Variants in RNF38 observed in about 807,000 individuals in gnomAD.
RNF38 encodes the protein E3 ubiquitin-protein ligase RNF38.
RNF38 carries 15 observed loss-of-function variants against 67.2 expected under a neutral mutation model. The ratio of observed to expected loss-of-function variants is 0.22; its 90% confidence interval spans 0.15 to 0.34. The LOEUF (loss-of-function observed/expected upper bound fraction) is 0.34, where lower values mean the gene tolerates loss of function less well. Ranked by LOEUF, RNF38 falls within the 10% of genes least tolerant of loss-of-function variation. The pLI is 1.00. For synonymous variants in RNF38, 220 were observed against 218.8 expected, an observed-to-expected ratio of 1.01 and a Z score of -0.05; for missense variants, 524 against 639.9, an observed-to-expected ratio of 0.82 and a Z score of 1.95.
At chr9:36,430,268 G>A (rs1194594789) in intron 1 of RNF38, among the ~76,000 whole-genome samples, 4 of 152,192 alleles carry the variant, frequency 2.6e-5, no homozygotes, top group East Asian at 1.9e-4. Flanking sequence ...GTGCAATGGC[G>A]CGATCTCAGC....
intron 1 of RNF38, among the ~76,000 whole-genome samples, chr9:36,394,383 TTG>T (rs1837373374): frequency 6.6e-6 from 1 of 152,232 alleles, no homozygotes; most frequent in Non-Finnish European, 1.5e-5. Flanking sequence ...AAGGAAATAT[TTG>T]TGTTTTAAAC....
intron 1 of RNF38, among the ~76,000 whole-genome samples, chr9:36,452,439 T>C (rs1281198192): frequency 6.6e-6 from 1 of 152,174 alleles, no homozygotes; most frequent in African/African-American, 2.4e-5. Flanking sequence ...TTTACATAAA[T>C]AGACGCATAC....
intron 1 of RNF38, among the ~76,000 whole-genome samples, chr9:36,481,429 C>T (rs989534484): frequency 6.6e-6 from 1 of 152,278 alleles, no homozygotes; most frequent in East Asian, 1.9e-4. Context: ...CCAAGAACAG[C>T]GCTAATATCC....
intron 1 of RNF38, among the ~76,000 whole-genome samples, chr9:36,393,523 G>GTGTGTGT (rs1554689616): frequency 1.8e-4 from 15 of 83,558 alleles, no homozygotes; most frequent in South Asian, 3.4e-4. Flanking sequence ...GTGTGTGTGT[G>GTGTGTGT]GGGCAGGCAG....
intron 2 of RNF38, among the ~76,000 whole-genome samples, chr9:36,378,994 G>A (rs555742496): frequency 3.3e-4 from 50 of 151,502 alleles, no homozygotes; most frequent in African/African-American, 1.2e-3. Flanking sequence ...TCTGCCTCCT[G>A]GGTTCAAGTG....
intron 9 of RNF38, among the ~76,000 whole-genome samples, chr9:36,349,682 C>T (rs890154109): frequency 7.2e-5 from 11 of 152,076 alleles, no homozygotes; most frequent in Admixed American, 5.9e-4. Flanking sequence ...GTGTGATGGC[C>T]AAAAAACCAA....
intron 1 of RNF38, among the ~76,000 whole-genome samples, chr9:36,426,769 G>A (rs986001331): frequency 1.3e-5 from 2 of 152,174 alleles, no homozygotes; most frequent in Non-Finnish European, 2.9e-5. Context: ...TGACTTTGGA[G>A]TCAGACTTCA....
In RNF38 at chr9:36,376,123, T is replaced by G. The variant is rs1321053127; in HGVS notation, c.167A>C (p.Glu56Ala). The G allele has an allele frequency of 6.4e-7, 1 of 1,562,900 alleles. No individual in the cohort carries two copies. Residue 56 changes from glutamate (E) to alanine (A), a missense_variant, in exon 3 of 12, where the codon GAA (glutamate) becomes GCA (alanine). Physicochemically the swap from Glu to Ala is moderately radical, Grantham distance 107. Around this residue, in one of 2 missense-constraint regions of RNF38, gnomAD observed 461 missense variants for 517.4 expected, o/e 0.89. Coordinates refer to ENST00000259605, the MANE Select transcript of RNF38 (RefSeq NM_022781.5). The part of the protein sequence containing the change: ...DAHFKAFFQS[E>A]DSPSPKRQRL... ...CTGTCTCTTAGGACTTGGACTATCT[T>G]CACTCTGCCAATGCAACAAAATGGA...
At chr9:36,439,350 T>C (rs1839140872) in intron 1 of RNF38, among the ~76,000 whole-genome samples, 1 of 152,216 alleles carries the variant, frequency 6.6e-6, no homozygotes, top group African/African-American at 2.4e-5. Context: ...ATTCGTTAGC[T>C]GTGAAACCTT....
At chr9:36,449,444 CT>C (rs532834295) in intron 1 of RNF38, among the ~76,000 whole-genome samples, 54 of 149,622 alleles carry the variant, frequency 3.6e-4, no homozygotes, top group Non-Finnish European at 6.8e-4. Flanking sequence ...CTTTTTTTTC[CT>C]TTTTTTTTGA....
rs898879218 is a variant in RNF38 at position 36,437,560 on chromosome 9, A to T, written n.242-12877T>A. Among the ~76,000 whole-genome samples the T allele has an allele frequency of 1.1e-3, 165 of 150,574 alleles. 1 individual carries two copies. The highest frequency in any genetic ancestry group is 2.7e-3 in the East Asian group (14 of 5,124). The stretch of plus-strand genomic sequence containing the variant: ...TTTATAGAAGGAGCAAGGTTGAAAA[A>T]AAAAAAAAAAAAGAAGAGGCGCAGA... On this transcript the variant is annotated intron_variant and non_coding_transcript_variant, in intron 1 of 3. Coordinates refer to the RNF38 transcript ENST00000488058.
At chr9:36,398,263 T>G (rs1219014608) in intron 1 of RNF38, among the ~76,000 whole-genome samples, 1 of 152,038 alleles carries the variant, frequency 6.6e-6, no homozygotes, top group Non-Finnish European at 1.5e-5. Flanking sequence ...GTTCAGATCC[T>G]TAACAAAGGG....
chr9:36,480,551 T>TC (rs1486027577), intron 1 of RNF38, among the ~76,000 whole-genome samples: 10 of 140,288 alleles, frequency 7.1e-5, no homozygotes, highest in East Asian at 2.1e-4. Flanking sequence ...TCTTTTTCTT[T>TC]TTTTTTTTTT....
At chr9:36,384,520 G>A (rs1836450854) in intron 2 of RNF38, among the ~76,000 whole-genome samples, 1 of 152,194 alleles carries the variant, frequency 6.6e-6, no homozygotes. Flanking sequence ...GGAGGGTGGA[G>A]TGTGATGGAA....
chr9:36,473,707 C>A (rs909914134), intron 1 of RNF38, among the ~76,000 whole-genome samples: 1 of 152,108 alleles, frequency 6.6e-6, no homozygotes, highest in Non-Finnish European at 1.5e-5. Flanking sequence ...CAATTTTTGT[C>A]CAGGCGCGGT....
At chr9:36,353,108 A>G (rs951196606) in intron 7 of RNF38, 62 bp downstream of exon 7, 60 of 1,382,948 alleles carry the variant, frequency 4.3e-5, no homozygotes, top group Admixed American at 1.0e-4. Context: ...ATACTAAAAC[A>G]TAACTCAGAA....
intron 1 of RNF38, among the ~76,000 whole-genome samples, chr9:36,435,902 T>C (rs574838365): frequency 6.3e-4 from 96 of 152,356 alleles, no homozygotes; most frequent in African/African-American, 2.2e-3. Context: ...GTGCTGGGAT[T>C]ACAGGCGTGA....
In RNF38 at chr9:36,478,817, C is replaced by CA. The variant is rs58286962; in HGVS notation, n.241+8490dup. Among the ~76,000 whole-genome samples the CA allele has an allele frequency of 4.4e-3, 466 of 106,004 alleles. 4 individuals are homozygous for CA. Among genetic ancestry groups the CA allele is most frequent in the Non-Finnish European group, 6.8e-3 (341 of 50,256 alleles). 69.5% of individuals were successfully genotyped at this position (106,004 alleles called of 152,430 possible). On this transcript the variant is annotated intron_variant and non_coding_transcript_variant, in intron 1 of 3. Transcript: ENST00000488058. ...GGGCAACAAGAGTGAAACGCTGTCT[C>CA]AAAAAAAAAAAAAAAAAAAAGATTA...
chr9:36,354,074 T>G (rs543055200), intron 6 of RNF38, among the ~76,000 whole-genome samples: 37 of 152,364 alleles, frequency 2.4e-4, no homozygotes, highest in African/African-American at 8.4e-4. Context: ...TTTGGTATAT[T>G]AACAGTTATG....
Sources: gnomAD v4.1 joint callset for allele counts (sites outside exome capture counted in the v4.1 genomes callset) on GRCh38, gnomAD v4.1.1 for gene constraint, gnomAD v4.1.1 regional missense constraint, MANE v1.5 for transcripts, NCBI Gene and HGNC (gene_info 2026-07-23, HGNC 2026-07-21) for gene names.